GNB1L: variants seen among roughly 807,000 people sequenced by gnomAD.
GNB1L encodes G protein subunit beta 1 like, also known as guanine nucleotide-binding protein subunit beta-like protein 1.
A neutral mutation model predicts 29.1 loss-of-function variants in GNB1L; 20 were observed. That is an observed-to-expected ratio of 0.69 (90% CI 0.48 to 1.00). GNB1L has a LOEUF of 1.00. Among genes scored for constraint, GNB1L ranks in the 50% least tolerant of loss-of-function variants. GNB1L has a pLI of 0.00. For missense variants in GNB1L, 421 were observed against 464.9 expected, an observed-to-expected ratio of 0.91 and a Z score of 0.87; for synonymous variants, 193 against 206.5, an observed-to-expected ratio of 0.93 and a Z score of 0.56.
chr22:19,828,951 C>T (rs1290615981), intron 2 of GNB1L, among the ~76,000 whole-genome samples: 1 of 152,034 alleles, frequency 6.6e-6, no homozygotes, highest in Non-Finnish European at 1.5e-5. Flanking sequence ...TGTGCCTCAG[C>T]CTCCCGAGTA....
intron 7 of GNB1L, among the ~76,000 whole-genome samples, chr22:19,795,391 C>T (rs1319617252): frequency 1.3e-5 from 2 of 152,074 alleles, no homozygotes; most frequent in Non-Finnish European, 2.9e-5. Context: ...ATATTAAAGA[C>T]TGGAACCACG....
rs75046939 is a variant in GNB1L, at chr22:19,794,509, G to A, written c.733-5549C>T. Among the ~76,000 whole-genome samples the A allele has an allele frequency of 9.6e-3, 1,454 of 152,152 alleles. 17 individuals are homozygous for A. Among genetic ancestry groups the A allele is most frequent in the African/African-American group, 0.032 (1,314 of 41,490 alleles). ...AGAAGCCAAGAGAGGAAACAAAACC[G>A]AATACTAAAAAATAAATATTTGATT... On this transcript the variant is annotated intron_variant, in intron 7 of 7. Coordinates refer to ENST00000329517, the MANE Select transcript of GNB1L (RefSeq NM_053004.3).
chr22:19,798,466 G>C (rs1937332222), intron 7 of GNB1L, among the ~76,000 whole-genome samples: 1 of 152,114 alleles, frequency 6.6e-6, no homozygotes, highest in South Asian at 2.1e-4. Flanking sequence ...CCTGCTCAGG[G>C]CCCTCTTGAC....
At chr22:19,800,222 A>G (rs1334701283) in intron 7 of GNB1L, among the ~76,000 whole-genome samples, 1 of 152,214 alleles carries the variant, frequency 6.6e-6, no homozygotes, top group Admixed American at 6.5e-5. Flanking sequence ...CCTAAGTTCC[A>G]GCAGCTGTTT....
At chr22:19,819,363 G>A (rs892029601) in intron 4 of GNB1L, among the ~76,000 whole-genome samples, 3 of 152,248 alleles carry the variant, frequency 2.0e-5, no homozygotes, top group Non-Finnish European at 4.4e-5. Flanking sequence ...TTGTAGAGGG[G>A]CTGTGGTGAC....
At position 19,801,876 on chromosome 22, in the gene GNB1L, C is replaced by T. The variant is rs1029104904; in HGVS notation, c.732+125G>A. 8.8e-5 allele frequency: 72 copies of T among 819,902 alleles called. No homozygotes were observed. The African/African-American group carries it at 1.1e-3, about 12-fold the overall frequency. 50.8% of individuals were successfully genotyped at this position (819,902 alleles called of 1,614,324 possible). On this transcript the variant is annotated intron_variant, in intron 7 of 7. Coordinates refer to ENST00000329517, the MANE Select transcript of GNB1L (RefSeq NM_053004.3). ...CAGCCATGGACAGCCCCCCTGCACC[C>T]GCCTCCAAGTGATTAATTAGCCAGG...
At chr22:19,831,878 A>G (rs1349859531) in intron 2 of GNB1L, among the ~76,000 whole-genome samples, 1 of 152,176 alleles carries the variant, frequency 6.6e-6, no homozygotes, top group Admixed American at 6.5e-5. Context: ...GAAAATGCCC[A>G]TTAAACACAT....
intron 6 of GNB1L, among the ~76,000 whole-genome samples, chr22:19,805,638 C>T (rs955257336): frequency 5.9e-5 from 9 of 152,116 alleles, no homozygotes; most frequent in Non-Finnish European, 1.2e-4. Context: ...AAAAATTAGC[C>T]GGGCGTGGTG....
chr22:19,820,594 C>A lies in GNB1L; in HGVS notation c.254+4G>T. On this transcript the variant is annotated splice_donor_region_variant and intron_variant, in intron 4 of 7. Coordinates refer to ENST00000329517, the MANE Select transcript of GNB1L (RefSeq NM_053004.3). ...TACCTGGCTCCTGCACCTTGGAGAC[C>A]CACCTGAGGAGCTGGCGCCCCTGGG... The A allele has an allele frequency of 6.2e-7, 1 of 1,610,454 alleles. No homozygotes were observed. The highest frequency in any genetic ancestry group is 8.5e-7 in the Non-Finnish European group (1 of 1,178,552).
At chr22:19,790,050 A>G (rs966159625) in intron 7 of GNB1L, among the ~76,000 whole-genome samples, 1 of 152,142 alleles carries the variant, frequency 6.6e-6, no homozygotes, top group African/African-American at 2.4e-5. Context: ...ATCCAGCCAA[A>G]CTGTCGCTCA....
intron 2 of GNB1L, among the ~76,000 whole-genome samples, chr22:19,842,704 C>T (rs1006883863): frequency 2.0e-5 from 3 of 152,248 alleles, no homozygotes; most frequent in African/African-American, 4.8e-5. Flanking sequence ...CTCACGGCCA[C>T]AAAGGACCAG....
At chr22:19,837,797 G>T (rs1384281707) in intron 2 of GNB1L, among the ~76,000 whole-genome samples, 1 of 152,230 alleles carries the variant, frequency 6.6e-6, no homozygotes, top group Non-Finnish European at 1.5e-5. Flanking sequence ...AAAGTAGGAA[G>T]TACTGATACA....
At chr22:19,829,154 A>C (rs1375253665) in intron 2 of GNB1L, among the ~76,000 whole-genome samples, 1 of 152,220 alleles carries the variant, frequency 6.6e-6, no homozygotes, top group Non-Finnish European at 1.5e-5. Context: ...TCTTAGTACA[A>C]GTCAGATCAC....
intron 6 of GNB1L, among the ~76,000 whole-genome samples, chr22:19,805,077 C>T (rs1249898798): frequency 1.3e-5 from 2 of 152,204 alleles, no homozygotes; most frequent in Non-Finnish European, 2.9e-5. Context: ...CCCTGTGGCC[C>T]GGCTGTGAGC....
chr22:19,849,294 G>C (rs1938036886), intron 2 of GNB1L: 1 of 982,124 alleles, frequency 1.0e-6, no homozygotes, highest in Non-Finnish European at 1.2e-6. Context: ...TCTGAACCCA[G>C]AGCCTTTTCT....
intron 7 of GNB1L, among the ~76,000 whole-genome samples, chr22:19,794,778 C>G (rs1210245200): frequency 6.6e-6 from 1 of 152,094 alleles, no homozygotes; most frequent in Admixed American, 6.5e-5. Flanking sequence ...GTCAAGAGAT[C>G]GAGACCATCC....
At chr22:19,849,201 A>G (rs1601355741) in intron 2 of GNB1L, 5 of 985,434 alleles carry the variant, frequency 5.1e-6, no homozygotes, top group Non-Finnish European at 6.0e-6. Flanking sequence ...CTTTCTAAAA[A>G]TAGCTTCCCA....
intron 2 of GNB1L, among the ~76,000 whole-genome samples, chr22:19,833,888 A>T (rs886197461): frequency 2.0e-5 from 3 of 150,082 alleles, no homozygotes; most frequent in Non-Finnish European, 3.0e-5. Context: ...AATAATAATA[A>T]TAATATAAAT....
rs1029928484 is a variant in GNB1L, at chr22:19,816,962, G to A, written c.254+3636C>T. ...AAGGGGCACTGAGGTGGGGGAAGGCGGGACCGCTGGGTACCCACATGGAAA... is the reference window on the plus strand; with the variant it reads ...AAGGGGCACTGAGGTGGGGGAAGGCAGGACCGCTGGGTACCCACATGGAAA... On this transcript the variant is annotated intron_variant, in intron 4 of 7. Transcript: ENST00000329517. The surrounding 1 kb of genome is among the most constrained non-coding windows in gnomAD (Gnocchi z 4.4). Among the ~76,000 whole-genome samples, 3 of 152,182 alleles carry A rather than the reference G, an allele frequency of 2.0e-5. No individual in the cohort carries two copies. Among genetic ancestry groups the A allele is most frequent in the African/African-American group, 4.8e-5 (2 of 41,428 alleles).
Sources: gnomAD v4.1 joint callset for allele counts (sites outside exome capture counted in the v4.1 genomes callset) on GRCh38, gnomAD v4.1.1 for gene constraint, Gnocchi (gnomAD v3.1) non-coding constraint, MANE v1.5 for transcripts, NCBI Gene and HGNC (gene_info 2026-07-23, HGNC 2026-07-21) for gene names.